CEP131: variants seen among roughly 807,000 people sequenced by gnomAD.
CEP131 encodes centrosomal protein of 131 kDa.
Under a neutral mutation model 136.8 loss-of-function variants are expected in CEP131, and 99 were observed. That is an observed-to-expected ratio of 0.72 (90% CI 0.62 to 0.86). The LOEUF is 0.86. CEP131 is among the 40% of genes least tolerant of loss of function. The probability of loss-of-function intolerance (pLI) is 0.00; values close to 1 mark genes in which losing one functional copy is unlikely to be tolerated. For synonymous variants in CEP131, 646 were observed against 612.7 expected (o/e 1.05, Z -0.80); for missense variants, 1,459 against 1,463.0 (o/e 1.00, Z 0.04).
rs1457644037 is a variant in CEP131 at position 81,203,125 on chromosome 17, C to T, written c.629+369G>A. The stretch of plus-strand genomic sequence containing the variant: ...CCCGCTCGGTCCACCCCCGCTGTGA[C>T]GCCTTCTGGGCTCTGCACAAGCCTT... On this transcript the variant is annotated intron_variant, in intron 6 of 25. Coordinates refer to ENST00000450824, the MANE Select transcript of CEP131 (RefSeq NM_014984.4). The surrounding 1 kb of genome is among the most constrained non-coding windows in gnomAD (Gnocchi z 4.6). 6.6e-6 allele frequency among the ~76,000 whole-genome samples: 1 copy of T among 152,192 alleles called. No individual in the cohort carries two copies. Among genetic ancestry groups the T allele is most frequent in the East Asian group, 1.9e-4 (1 of 5,186 alleles).
At position 81,189,963 on chromosome 17, in the gene CEP131, G is replaced by A. The variant is rs754491930; in HGVS notation, c.3120C>T (p.Ala1040=). ...LEEVHRRVKT[A]LARKEEAVSS... ...TCACGGCCTCCTCCTTCCTCGCGAG[G>A]GCTGTCTTCACCCTGTGGGTAGTAC... Residue 1040 remains alanine, a synonymous_variant, in exon 25 of 26, where the codon GCC becomes GCT. Coordinates refer to ENST00000450824, the MANE Select transcript of CEP131 (RefSeq NM_014984.4). 2 of 1,610,414 alleles carry A rather than the reference G, an allele frequency of 1.2e-6. No individual in the cohort carries two copies. The highest frequency in any genetic ancestry group is 1.3e-5 in the African/African-American group (1 of 75,016).
Position 81,192,309 on chromosome 17 carries a change from G to C in CEP131, c.2622+9C>G. On this transcript the variant is annotated intron_variant, in intron 21 of 25. Transcript: ENST00000450824. ...CAACCCCTGCCCACCTGGGTGCCCA[G>C]GCCCCCACCTCCTTCCTGGTGCGGC... 1 of 1,550,352 alleles carries C rather than the reference G, an allele frequency of 6.5e-7. No individual in the cohort carries two copies. Among genetic ancestry groups the C allele is most frequent in the South Asian group, 1.2e-5 (1 of 84,222 alleles).
chr17:81,200,353 C>T lies in CEP131; in HGVS notation c.882G>A (p.Glu294=), dbSNP rs1010034355. Residue 294 remains glutamate, a synonymous_variant, in exon 8 of 26, where the codon GAG becomes GAA. Transcript: ENST00000450824. ...CCTCCCGCTTGGCCTGAAGCAAGTG[C>T]TCCAGGCGGGCAGCTCCTGCTCCGC... ...QRRGAGAARL[E]HLLQAKREEQ... 6.3e-7 allele frequency: 1 copy of T among 1,595,278 alleles called. No homozygotes were observed. The highest frequency in any genetic ancestry group is 8.5e-7 in the Non-Finnish European group (1 of 1,171,532).
chr17:81,213,396 C>T (rs141827602), intron 2 of CEP131, among the ~76,000 whole-genome samples: 29 of 152,168 alleles, frequency 1.9e-4, no homozygotes, highest in African/African-American at 7.0e-4. Context: ...CCCATCTCTA[C>T]TGAAATACAA....
At position 81,190,760 on chromosome 17, in the gene CEP131, C is replaced by T; in HGVS notation, c.2986G>A (p.Val996Met). The change falls in exon 24 of 26, where the codon GTG becomes ATG. Residue 996 changes from valine to methionine, a missense_variant. Val to Met is a conservative substitution (Grantham distance 21). Around this residue, in one of 3 missense-constraint regions of CEP131, gnomAD observed 1,026 missense variants for 964.2 expected, o/e 1.06. Transcript: ENST00000450824. ...LSSERSNLAQ[V>M]IRQEFEDRLA... is the part of the protein sequence containing the mutation. The stretch of plus-strand genomic sequence containing the variant: ...CGGTCCTCGAACTCCTGGCGGATCA[C>T]CTGGGCCAGGTTGCTGCGCTCGCTA... 6.2e-7 allele frequency: 1 copy of T among 1,612,112 alleles called. No individual in the cohort carries two copies. Among genetic ancestry groups the T allele is most frequent in the East Asian group, 2.2e-5 (1 of 44,874 alleles).
At position 81,192,515 on chromosome 17, in the gene CEP131, C is replaced by G; in HGVS notation, c.2508G>C (p.Glu836Asp). ...CCTGCTCCTCCCTGCCCTTCTCAAA[C>G]TCAGCCCTCAGGGCTCGGGTCAGTG... The part of the protein sequence containing the change: ...SSALTRALRA[E>D]FEKGREEQER... The change falls in exon 20 of 26, where the codon GAG becomes GAC. Residue 836 changes from glutamate to aspartate, a missense_variant. This residue lies in a region of CEP131 where 1,026 missense variants were observed against 964.2 expected (regional missense o/e 1.06). Transcript: ENST00000450824. 2 of 1,611,494 alleles carry G rather than the reference C, an allele frequency of 1.2e-6. No homozygotes were observed. Among genetic ancestry groups the G allele is most frequent in the Non-Finnish European group, 1.7e-6 (2 of 1,179,738 alleles).
At position 81,189,958 on chromosome 17, in the gene CEP131, G is replaced by A. The variant is rs74006007; in HGVS notation, c.3125C>T (p.Ala1042Val). The A allele has an allele frequency of 0.011, 17,032 of 1,610,602 alleles. 622 individuals carry two copies. The highest frequency in any genetic ancestry group is 0.11 in the East Asian group (4,730 of 44,770). ...GCTGCTCACGGCCTCCTCCTTCCTC[G>A]CGAGGGCTGTCTTCACCCTGTGGGT... Reference protein sequence around the residue: ...EVHRRVKTALARKEEAVSSLR... With the variant: ...EVHRRVKTALVRKEEAVSSLR... Residue 1042 changes from alanine (A) to valine (V), a missense_variant, in exon 25 of 26, where the codon GCG becomes GTG. Ala to Val is a moderately conservative substitution (Grantham distance 64). Around this residue, in one of 3 missense-constraint regions of CEP131, gnomAD observed 1,026 missense variants for 964.2 expected, o/e 1.06. Coordinates refer to ENST00000450824, the MANE Select transcript of CEP131 (RefSeq NM_014984.4).
intron 16 of CEP131, 96 bp from the exon 17 acceptor site, chr17:81,195,068 C>G: frequency 1.1e-6 from 1 of 899,632 alleles, no homozygotes. Flanking sequence ...TCCAGGTCCA[C>G]CAGCACAAGG....
At position 81,189,638 on chromosome 17, in the gene CEP131, G is replaced by C; in HGVS notation, c.*131C>G. ...CTTTACTGTTAAAATGCAGCCACAGGTGCTTAGCCGTGGGCATCTCAACCA... is the reference window on the plus strand; with the variant it reads ...CTTTACTGTTAAAATGCAGCCACAGCTGCTTAGCCGTGGGCATCTCAACCA... On this transcript the variant is annotated 3_prime_UTR_variant, in exon 26 of 26. Transcript: ENST00000450824. The C allele has an allele frequency of 1.1e-6, 1 of 885,616 alleles. No individual in the cohort carries two copies. The highest frequency in any genetic ancestry group is 1.7e-5 in the South Asian group (1 of 59,448). The allele number at this position is 885,616 out of a possible 1,614,324, so 54.9% of individuals were successfully genotyped here. A position where few individuals can be genotyped will look rare whatever the true frequency, so the allele number is the denominator to read the frequency against.
Position 81,196,924 on chromosome 17 carries a change from C to T in CEP131, c.1773+6G>A, listed in dbSNP as rs202200104. The T allele has an allele frequency of 1.2e-3, 1,983 of 1,609,156 alleles. 24 individuals are homozygous for T. The African/African-American group carries it at 0.023, about 18-fold the overall frequency. ...GGCCCGGGATTAGCAGTGCCAGCAGCGTTACCAGCGCTCTCTGCAGCAGCA... is the reference window on the plus strand; with the variant it reads ...GGCCCGGGATTAGCAGTGCCAGCAGTGTTACCAGCGCTCTCTGCAGCAGCA... On this transcript the variant is annotated splice_donor_region_variant and intron_variant, in intron 14 of 25. Coordinates refer to ENST00000450824, the MANE Select transcript of CEP131 (RefSeq NM_014984.4).
chr17:81,214,976 A>AT (rs2062214732), intron 2 of CEP131, among the ~76,000 whole-genome samples: 1 of 151,224 alleles, frequency 6.6e-6, no homozygotes, highest in Non-Finnish European at 1.5e-5. Flanking sequence ...ATGGGGTTTC[A>AT]CCGTGTTAGC....
chr17:81,207,097 G>A (rs939845226), intron 4 of CEP131, 28 bp downstream of exon 4: 1 of 1,597,046 alleles, frequency 6.3e-7, no homozygotes. Flanking sequence ...ACAGAGACCA[G>A]GACGTGGGGC....
intron 5 of CEP131, among the ~76,000 whole-genome samples, chr17:81,206,067 G>A (rs930220994): frequency 6.6e-6 from 1 of 152,024 alleles, no homozygotes; most frequent in Admixed American, 6.5e-5. Flanking sequence ...TTACTCGGGC[G>A]TGGTGGCGTG....
Position 81,203,580 on chromosome 17 carries a change from G to A in CEP131, c.543C>T (p.Cys181=), listed in dbSNP as rs375867858. Reference sequence around the variant, plus strand: ...AGCGGTTGTGCACCATGGTGGTGACGCAGTTGCCCACTGCTCCCTTGTTGC... The same window carrying A: ...AGCGGTTGTGCACCATGGTGGTGACACAGTTGCCCACTGCTCCCTTGTTGC... The part of the protein sequence containing the change: ...NRSNKGAVGN[C]VTTMVHNRYT... Residue 181 remains cysteine (C), a synonymous_variant, in exon 6 of 26, where the codon TGC becomes TGT. Transcript: ENST00000450824. This position sits in a 1 kb window ranked among gnomAD's most constrained non-coding sequence, Gnocchi z 4.6. The A allele has an allele frequency of 3.4e-5, 54 of 1,603,428 alleles. No homozygotes were observed. Among genetic ancestry groups the A allele is most frequent in the African/African-American group, 6.7e-5 (5 of 74,816 alleles).
intron 7 of CEP131, 78 bp from the exon 8 acceptor site, chr17:81,200,524 G>A (rs1369770698): frequency 4.5e-6 from 5 of 1,122,650 alleles, no homozygotes; most frequent in South Asian, 2.8e-5. Flanking sequence ...GTGGAAGGTC[G>A]AGCCGGGGAA....
In CEP131 at chr17:81,196,694, C is replaced by A. The variant is rs918791406; in HGVS notation, c.1899+7G>T. 6.2e-7 allele frequency: 1 copy of A among 1,601,806 alleles called. No homozygotes were observed. Among genetic ancestry groups the A allele is most frequent in the East Asian group, 2.2e-5 (1 of 44,606 alleles). On this transcript the variant is annotated splice_region_variant and intron_variant, in intron 15 of 25. Transcript: ENST00000450824. The stretch of plus-strand genomic sequence containing the variant: ...GTCCGGGCCTCTGCGCTCCCCGGGC[C>A]GCTCACCTGGTCAATGAAGGCCAAG...
intron 19 of CEP131, 51 bp downstream of exon 19, chr17:81,192,685 G>GGGGGGGGGGGGGGCGGGCC: frequency 2.1e-6 from 1 of 478,438 alleles, no homozygotes; most frequent in Non-Finnish European, 4.1e-6. Flanking sequence ...GGGGGGAGGG[G>GGGGGGGGGGGGGGCGGGCC]TCAGCCAGCG....
rs1301018427 is a variant in CEP131 at position 81,196,044 on chromosome 17, T to C, written c.1900-93A>G. 17 of 1,055,572 alleles carry C rather than the reference T, an allele frequency of 1.6e-5. 1 individual carries two copies. Among genetic ancestry groups the C allele is most frequent in the Middle Eastern group, 4.2e-4 (2 of 4,756 alleles). The allele number at this position is 1,055,572 out of a possible 1,614,324, so 65.4% of individuals were successfully genotyped here. On this transcript the variant is annotated intron_variant, in intron 15 of 25. Coordinates refer to ENST00000450824, the MANE Select transcript of CEP131 (RefSeq NM_014984.4). ...GACCCTCCCAGCCTCCGAGGGAGGC[T>C]AACAGCAGCCCTCCCCTGGGGCTGC...
rs746194813 is a variant in CEP131, at chr17:81,197,031, C to A, written c.1672G>T (p.Gly558Trp). Residue 558 changes from glycine to tryptophan, a missense_variant, in exon 14 of 26, where the codon GGG becomes TGG. Gly to Trp is a radical substitution (Grantham distance 184, BLOSUM62 -2). Around this residue, in one of 3 missense-constraint regions of CEP131, gnomAD observed 1,026 missense variants for 964.2 expected, o/e 1.06. Coordinates refer to ENST00000450824, the MANE Select transcript of CEP131 (RefSeq NM_014984.4). ...ACCTCGGACCCCAGCTCCAGGGGCCCCGGCCCCGCCTCCGGCACCCACCCC... is the reference window on the plus strand; with the variant it reads ...ACCTCGGACCCCAGCTCCAGGGGCCACGGCCCCGCCTCCGGCACCCACCCC... The part of the protein sequence containing the change: ...QEGWVPEAGP[G>W]PLELGSEVST... The A allele has an allele frequency of 6.3e-7, 1 of 1,590,182 alleles. No homozygotes were observed. Among genetic ancestry groups the A allele is most frequent in the Non-Finnish European group, 8.6e-7 (1 of 1,168,610 alleles).
Sources: gnomAD v4.1 joint callset for allele counts (sites outside exome capture counted in the v4.1 genomes callset) on GRCh38, gnomAD v4.1.1 for gene constraint, gnomAD v4.1.1 regional missense constraint, Gnocchi (gnomAD v3.1) non-coding constraint, MANE v1.5 for transcripts, NCBI Gene and HGNC (gene_info 2026-07-23, HGNC 2026-07-21) for gene names.